The following FLT3LG variants were observed in gnomAD, a reference collection of about 807,000 sequenced individuals.
FLT3LG encodes fms-related tyrosine kinase 3 ligand.
In FLT3LG, 8 loss-of-function variants were observed where a neutral mutation model predicts 30.9. The observed-to-expected ratio is 0.26, with a 90% confidence interval of 0.15 to 0.47. FLT3LG has a LOEUF of 0.47. FLT3LG is among the 20% of genes least tolerant of loss of function. The pLI is 0.99. For synonymous variants in FLT3LG, 123 were observed against 135.9 expected (o/e 0.91, Z 0.66); for missense variants, 278 against 306.2 (o/e 0.91, Z 0.69).
In FLT3LG at chr19:49,485,810, G is replaced by A. The variant is rs114585844; in HGVS notation, c.*22-205G>A. Among the ~76,000 whole-genome samples, 388 of 152,268 alleles carry A rather than the reference G, an allele frequency of 2.5e-3. 1 individual carries two copies. Among genetic ancestry groups the A allele is most frequent in the African/African-American group, 8.9e-3 (371 of 41,568 alleles). On this transcript the variant is annotated intron_variant, in intron 8 of 8. Coordinates refer to ENST00000597551, the MANE Select transcript of FLT3LG (RefSeq NM_001459.4). ...TGGGATTATAGGCATGAGCCACCGC[G>A]CCCGGGGAAATATAGGGAACATTTC...
At chr19:49,475,835 T>C (rs1568666530) in intron 3 of FLT3LG, 34 bp downstream of exon 3, 2 of 1,565,870 alleles carry the variant, frequency 1.3e-6, no homozygotes, top group Admixed American at 1.7e-5. Flanking sequence ...CCTCATGTGA[T>C]CCCCCTTCCC....
chr19:49,482,987 ATGT>A (rs944877799), intron 8 of FLT3LG, among the ~76,000 whole-genome samples: 4 of 152,100 alleles, frequency 2.6e-5, no homozygotes, highest in African/African-American at 9.7e-5. Context: ...TATATCCAAA[ATGT>A]TGTTATTTCA....
intron 8 of FLT3LG, chr19:49,480,874 A>C: frequency 2.1e-6 from 1 of 479,732 alleles, no homozygotes; most frequent in South Asian, 2.7e-5. Context: ...TCTACTAAAA[A>C]TACAAAAATT....
chr19:49,485,574 G>T (rs886326230), intron 8 of FLT3LG, among the ~76,000 whole-genome samples: 2 of 152,130 alleles, frequency 1.3e-5, no homozygotes, highest in African/African-American at 2.4e-5. Flanking sequence ...AGTAGAAACG[G>T]TTTCTCCATG....
chr19:49,479,657 T>C, intron 6 of FLT3LG: 1 of 211,502 alleles, frequency 4.7e-6, no homozygotes, highest in Non-Finnish European at 9.7e-6. Flanking sequence ...GCCTGCCACC[T>C]CACGCGGCTA....
At chr19:49,485,162 C>A (rs55893003) in intron 8 of FLT3LG, among the ~76,000 whole-genome samples, 27,450 of 151,608 alleles carry the variant, frequency 0.18, 3,692 homozygotes, top group African/African-American at 0.38. Context: ...TGCACCGGCC[C>A]CATCTCAAGT....
chr19:49,477,383 G>A (rs1258846634), intron 5 of FLT3LG, among the ~76,000 whole-genome samples: 4 of 151,956 alleles, frequency 2.6e-5, no homozygotes, highest in Non-Finnish European at 5.9e-5. Flanking sequence ...GGTCGAGGCT[G>A]CGATGAGCTA....
rs551878053 is a variant in FLT3LG at position 49,482,734 on chromosome 19, T to A, written c.*21+2114T>A. On this transcript the variant is annotated intron_variant, in intron 8 of 8. Transcript: ENST00000597551. ...CCTCCACCTCCCGGGTTCAAGCGATTCTCCTGCTTCAGTCTACCGAGTAGC... is the reference window on the plus strand; with the variant it reads ...CCTCCACCTCCCGGGTTCAAGCGATACTCCTGCTTCAGTCTACCGAGTAGC... Among the ~76,000 whole-genome samples the A allele has an allele frequency of 7.9e-5, 12 of 151,360 alleles. No individual in the cohort carries two copies. In the East Asian group the frequency reaches 1.8e-3, roughly 22 times the overall value.
In FLT3LG at chr19:49,478,446, A is replaced by G. The variant is rs112129678; in HGVS notation, c.343-463A>G. Among the ~76,000 whole-genome samples, 809 of 151,836 alleles carry G rather than the reference A, an allele frequency of 5.3e-3. 8 individuals are homozygous for G. The highest frequency in any genetic ancestry group is 0.018 in the African/African-American group (734 of 41,364). On this transcript the variant is annotated intron_variant, in intron 5 of 8. Transcript: ENST00000597551. ...TGCGCCACTGTACTCCAGCCTGGGCAACAGAGCGAGACTCTGTCTTAAAAA... is the reference window on the plus strand; with the variant it reads ...TGCGCCACTGTACTCCAGCCTGGGCGACAGAGCGAGACTCTGTCTTAAAAA...
At chr19:49,478,419 A>C (rs1309252959) in intron 5 of FLT3LG, among the ~76,000 whole-genome samples, 3 of 151,926 alleles carry the variant, frequency 2.0e-5, no homozygotes, top group Admixed American at 2.0e-4. Flanking sequence ...GTGAGCCGAG[A>C]TTGCGCCACT....
At chr19:49,475,219 G>A (rs74992306) in intron 2 of FLT3LG, among the ~76,000 whole-genome samples, 3 of 110,766 alleles carry the variant, frequency 2.7e-5, no homozygotes, top group African/African-American at 1.0e-4. Flanking sequence ...AGACAGAGGA[G>A]GGGGGAGATG....
chr19:49,484,288 A>ATTTTTTTTTTTTTTTTTTT (rs745909519), intron 8 of FLT3LG, among the ~76,000 whole-genome samples: 4 of 98,334 alleles, frequency 4.1e-5, no homozygotes, highest in African/African-American at 8.9e-5. Context: ...TTTTATTATA[A>ATTTTTTTTTTTTTTTTTTT]TTTTTTTTTT....
chr19:49,476,353 C>A lies in FLT3LG; in HGVS notation c.199-70C>A. On this transcript the variant is annotated intron_variant, in intron 4 of 8. Coordinates refer to ENST00000597551, the MANE Select transcript of FLT3LG (RefSeq NM_001459.4). The surrounding 1 kb of genome is among the most constrained non-coding windows in gnomAD (Gnocchi z 5.3). ...CTCAGACCCAGGAGCCCCGGCCCAGCCCCTCCTCCCTCAGACCCAGCAGCC... is the reference window on the plus strand; with the variant it reads ...CTCAGACCCAGGAGCCCCGGCCCAGACCCTCCTCCCTCAGACCCAGCAGCC... 1 of 1,545,758 alleles carries A rather than the reference C, an allele frequency of 6.5e-7. No homozygotes were observed. Among genetic ancestry groups the A allele is most frequent in the Non-Finnish European group, 8.8e-7 (1 of 1,130,046 alleles).
At chr19:49,474,969 G>A (rs1421939282) in intron 2 of FLT3LG, among the ~76,000 whole-genome samples, 1 of 134,806 alleles carries the variant, frequency 7.4e-6, no homozygotes, top group Non-Finnish European at 1.6e-5. Context: ...ACAGAGGAGA[G>A]GGCAGATGAA....
intron 1 of FLT3LG, 86 bp downstream of exon 1, chr19:49,474,367 G>A: frequency 3.5e-6 from 2 of 574,214 alleles, no homozygotes; most frequent in Non-Finnish European, 6.2e-6. Context: ...AGGGTGGGGG[G>A]CTGGGTTCCC....
chr19:49,478,445 C>T (rs1414072713), intron 5 of FLT3LG, among the ~76,000 whole-genome samples: 3 of 151,578 alleles, frequency 2.0e-5, no homozygotes, highest in Non-Finnish European at 4.4e-5. Context: ...CCAGCCTGGG[C>T]AACAGAGCGA....
In FLT3LG at chr19:49,486,083, T is replaced by G. The variant is rs949943453; in HGVS notation, c.*90T>G. The G allele has an allele frequency of 6.6e-6, 1 of 152,556 alleles. No homozygotes were observed. The highest frequency in any genetic ancestry group is 1.5e-5 in the Non-Finnish European group (1 of 68,056). 9.5% of individuals were successfully genotyped at this position (152,556 alleles called of 1,614,324 possible). A position where few individuals can be genotyped will look rare whatever the true frequency, so the allele number is the denominator to read the frequency against. Reference sequence around the variant, plus strand: ...ATGCATAGCCTGGACACAGAGGAAGTTGGCTAGAGGCCGGTCCCTTCCTTG... The same window carrying G: ...ATGCATAGCCTGGACACAGAGGAAGGTGGCTAGAGGCCGGTCCCTTCCTTG... On this transcript the variant is annotated 3_prime_UTR_variant, in exon 9 of 9. Transcript: ENST00000597551.
intron 5 of FLT3LG, among the ~76,000 whole-genome samples, chr19:49,477,512 G>A (rs906835877): frequency 6.6e-6 from 1 of 151,868 alleles, no homozygotes; most frequent in Admixed American, 6.6e-5. Flanking sequence ...GCTGAGGCGG[G>A]TGGATTGCCT....
intron 3 of FLT3LG, 52 bp downstream of exon 3, chr19:49,475,853 T>C: frequency 6.5e-7 from 1 of 1,531,010 alleles, no homozygotes; most frequent in East Asian, 2.3e-5. Context: ...CCCCCCACTT[T>C]TTTTTTTAAG....
Sources: gnomAD v4.1 joint callset for allele counts (sites outside exome capture counted in the v4.1 genomes callset) on GRCh38, gnomAD v4.1.1 for gene constraint, Gnocchi (gnomAD v3.1) non-coding constraint, MANE v1.5 for transcripts, NCBI Gene and HGNC (gene_info 2026-07-23, HGNC 2026-07-21) for gene names.